The following SHTN1 variants were observed in gnomAD, a reference collection of about 807,000 sequenced individuals.
SHTN1 encodes shootin-1.
A neutral mutation model predicts 83.1 loss-of-function variants in SHTN1; 42 were observed. That is an observed-to-expected ratio of 0.51 (90% CI 0.39 to 0.65). The LOEUF is 0.65. Ranked by LOEUF, SHTN1 falls within the 30% of genes least tolerant of loss-of-function variation. SHTN1 has a pLI of 0.00. For synonymous variants in SHTN1, 224 were observed against 247.7 expected, an observed-to-expected ratio of 0.90 and a Z score of 0.90; for missense variants, 622 against 737.8, an observed-to-expected ratio of 0.84 and a Z score of 1.82.
chr10:117,068,903 T>A (rs1196527986), intron 1 of SHTN1, among the ~76,000 whole-genome samples: 33 of 152,192 alleles, frequency 2.2e-4, no homozygotes, highest in Admixed American at 2.2e-3. Flanking sequence ...TTTGTTTATG[T>A]TTGAGAACAT....
intron 3 of SHTN1, among the ~76,000 whole-genome samples, chr10:116,963,812 A>C (rs1036799401): frequency 1.3e-5 from 2 of 152,200 alleles, no homozygotes; most frequent in Non-Finnish European, 2.9e-5. Context: ...TAGTAAAAAA[A>C]TTTTAATGAC....
intron 1 of SHTN1, among the ~76,000 whole-genome samples, chr10:117,003,447 A>G (rs1851891352): frequency 6.6e-6 from 1 of 150,700 alleles, no homozygotes; most frequent in South Asian, 2.1e-4. Context: ...GATATCACAG[A>G]AGAATGTGTT....
intron 1 of SHTN1, among the ~76,000 whole-genome samples, chr10:116,981,682 T>C (rs911936342): frequency 1.3e-5 from 2 of 152,148 alleles, no homozygotes; most frequent in African/African-American, 2.4e-5. Flanking sequence ...ATAGATGAAG[T>C]TGAAAAAACC....
rs2133289920 is a variant in SHTN1 at position 116,883,445 on chromosome 10, GT to G, written c.*2898del. 6.6e-6 allele frequency: 1 copy of G among 152,310 alleles called. No individual in the cohort carries two copies. Among genetic ancestry groups the G allele is most frequent in the South Asian group, 2.1e-4 (1 of 4,830 alleles). 9.4% of individuals were successfully genotyped at this position (152,310 alleles called of 1,614,324 possible). On this transcript the variant is annotated 3_prime_UTR_variant, in exon 17 of 17. Coordinates refer to ENST00000355371, the MANE Select transcript of SHTN1 (RefSeq NM_001127211.3). ...TCCTTATGCAGGGACTGCTTGATGA[GT>G]CTTTGAAGGTCAGTGATAATGACAG...
rs1852157875 is a variant in SHTN1 at position 117,014,830 on chromosome 10, T to C, written c.-123+33615A>G. The stretch of plus-strand genomic sequence containing the variant: ...TTTAAAATAGTACCATAGTTTTATA[T>C]AAGAAATGATTAAGAAATGCATAAT... On this transcript the variant is annotated intron_variant, in intron 2 of 17. Transcript: ENST00000392901. Among the ~76,000 whole-genome samples the C allele has an allele frequency of 2.0e-5, 3 of 152,212 alleles. No homozygotes were observed. In the South Asian group the frequency reaches 6.2e-4, roughly 32 times the overall value.
At chr10:116,941,937 G>A (rs184419574) in intron 8 of SHTN1, among the ~76,000 whole-genome samples, 56 of 152,208 alleles carry the variant, frequency 3.7e-4, no homozygotes, top group Non-Finnish European at 6.9e-4. Context: ...ACTACGACAG[G>A]GTTCTTCTGC....
At chr10:117,011,131 T>G (rs1852097245) in intron 2 of SHTN1, among the ~76,000 whole-genome samples, 1 of 152,246 alleles carries the variant, frequency 6.6e-6, no homozygotes, top group African/African-American at 2.4e-5. Flanking sequence ...CTATCTCTAT[T>G]CACATATGAC....
chr10:116,970,183 T>C (rs1234438737), intron 2 of SHTN1, among the ~76,000 whole-genome samples: 2 of 152,160 alleles, frequency 1.3e-5, no homozygotes, highest in Non-Finnish European at 2.9e-5. Context: ...AGACCACTGA[T>C]GGATGTGTCA....
rs138645420 is a variant in SHTN1 at position 117,066,067 on chromosome 10, A to C, written c.-188-17557T>G. Among the ~76,000 whole-genome samples, 587 of 152,148 alleles carry C rather than the reference A, an allele frequency of 3.9e-3. 4 individuals carry two copies. Among genetic ancestry groups the C allele is most frequent in the African/African-American group, 0.013 (554 of 41,544 alleles). On this transcript the variant is annotated intron_variant, in intron 1 of 17. Transcript: ENST00000392901. ...GCAACATATCAAGACCCTACCTCTA[A>C]AAAAAGAAAAGAAAAGGAAAAGAAA... is the stretch of plus-strand genomic sequence containing the variant.
chr10:117,064,654 CAA>C (rs11376208), intron 1 of SHTN1, among the ~76,000 whole-genome samples: 10 of 136,452 alleles, frequency 7.3e-5, no homozygotes, highest in Admixed American at 1.5e-4. Flanking sequence ...GACTTTGTCT[CAA>C]AAAAAAAAAA....
At position 116,884,483 on chromosome 10, in the gene SHTN1, C is replaced by G; in HGVS notation, c.*1861G>C. ...TCCCTAGTCCAGCTAACACATTTCA[C>G]CCAAAGGGCAACTTCTTACTCTAGA... On this transcript the variant is annotated 3_prime_UTR_variant, in exon 17 of 17. Coordinates refer to ENST00000355371, the MANE Select transcript of SHTN1 (RefSeq NM_001127211.3). 1 of 335,872 alleles carries G rather than the reference C, an allele frequency of 3.0e-6. No homozygotes were observed. The highest frequency in any genetic ancestry group is 6.0e-6 in the Non-Finnish European group (1 of 168,042). 20.8% of individuals were successfully genotyped at this position (335,872 alleles called of 1,614,324 possible). A position where few individuals can be genotyped will look rare whatever the true frequency, so the allele number is the denominator to read the frequency against.
intron 6 of SHTN1, among the ~76,000 whole-genome samples, chr10:116,950,390 A>G (rs767670613): frequency 9.9e-5 from 15 of 151,900 alleles, no homozygotes; most frequent in Non-Finnish European, 1.9e-4. Context: ...CTGATCTCCA[A>G]CTCCTGGGCT....
intron 16 of SHTN1, among the ~76,000 whole-genome samples, chr10:116,887,026 T>C (rs1009801264): frequency 1.3e-5 from 2 of 150,596 alleles, no homozygotes; most frequent in African/African-American, 4.9e-5. Context: ...ACAAGGGGAG[T>C]AATCACCCCT....
intron 1 of SHTN1, among the ~76,000 whole-genome samples, chr10:117,123,245 G>A (rs951101825): frequency 1.3e-5 from 2 of 152,092 alleles, no homozygotes; most frequent in African/African-American, 4.8e-5. Flanking sequence ...CAGGTGATCT[G>A]CCTGCCTCGG....
chr10:116,909,643 G>A (rs1233681943), intron 14 of SHTN1, among the ~76,000 whole-genome samples: 1 of 152,070 alleles, frequency 6.6e-6, no homozygotes, highest in Non-Finnish European at 1.5e-5. Context: ...GGAAAAACGA[G>A]GTCAGTCAAT....
At chr10:116,931,175 C>T (rs1193971160) in intron 9 of SHTN1, among the ~76,000 whole-genome samples, 6 of 147,784 alleles carry the variant, frequency 4.1e-5, no homozygotes, top group Non-Finnish European at 6.0e-5. Flanking sequence ...TTCAGTAAAA[C>T]CATTTTTAGA....
chr10:117,018,780 C>T (rs186998443), intron 2 of SHTN1, among the ~76,000 whole-genome samples: 457 of 152,150 alleles, frequency 3.0e-3, no homozygotes, highest in South Asian at 6.4e-3. Flanking sequence ...ACCATGTTGG[C>T]CAGGCTGGTC....
At chr10:116,909,023 A>C (rs1032701512) in intron 14 of SHTN1, among the ~76,000 whole-genome samples, 1 of 152,210 alleles carries the variant, frequency 6.6e-6, no homozygotes, top group Non-Finnish European at 1.5e-5. Context: ...TACCAAGACT[A>C]TTTTAGTTAT....
At chr10:117,086,134 G>C (rs1325629318) in intron 1 of SHTN1, among the ~76,000 whole-genome samples, 3 of 152,060 alleles carry the variant, frequency 2.0e-5, no homozygotes, top group Non-Finnish European at 4.4e-5. Context: ...TAGCTAGGAT[G>C]GTCTGTATCT....
Sources: gnomAD v4.1 joint callset for allele counts (sites outside exome capture counted in the v4.1 genomes callset) on GRCh38, gnomAD v4.1.1 for gene constraint, MANE v1.5 for transcripts, NCBI Gene and HGNC (gene_info 2026-07-23, HGNC 2026-07-21) for gene names.